Variants in ARL6IP5 observed in about 807,000 individuals in gnomAD.
The protein encoded by ARL6IP5 is PRA1 family protein 3.
ARL6IP5 carries 6 observed loss-of-function variants against 13.0 expected under a neutral mutation model. That is an observed-to-expected ratio of 0.46 (90% CI 0.25 to 0.91). The LOEUF (loss-of-function observed/expected upper bound fraction) is 0.91, where lower values mean the gene tolerates loss of function less well. Ranked by LOEUF, ARL6IP5 falls within the 40% of genes least tolerant of loss-of-function variation. ARL6IP5 has a pLI of 0.17. For synonymous variants in ARL6IP5, 91 were observed against 91.9 expected (o/e 0.99, Z 0.06); for missense variants, 208 against 248.8 (o/e 0.84, Z 1.10).
At chr3:69,090,238 G>A (rs1485283661) in intron 1 of ARL6IP5, among the ~76,000 whole-genome samples, 8 of 152,184 alleles carry the variant, frequency 5.3e-5, no homozygotes, top group Admixed American at 5.2e-4. Flanking sequence ...GTTGCAGTCT[G>A]TTTATACTAA....
chr3:69,092,187 A>G (rs1008631580), intron 1 of ARL6IP5, among the ~76,000 whole-genome samples: 5 of 152,198 alleles, frequency 3.3e-5, no homozygotes, highest in Middle Eastern at 3.2e-3. Context: ...TCATTGATAT[A>G]TGATAGGATT....
At chr3:69,092,909 G>C (rs946484681) in intron 1 of ARL6IP5, among the ~76,000 whole-genome samples, 8 of 151,558 alleles carry the variant, frequency 5.3e-5, no homozygotes, top group Non-Finnish European at 8.8e-5. Flanking sequence ...AAAAAGTATT[G>C]GTTGTTAAGA....
chr3:69,090,483 T>C (rs1020011619), intron 1 of ARL6IP5, among the ~76,000 whole-genome samples: 3 of 152,188 alleles, frequency 2.0e-5, no homozygotes, highest in Admixed American at 2.0e-4. Flanking sequence ...ATAGCAAGTG[T>C]ACAGAAATAC....
intron 1 of ARL6IP5, among the ~76,000 whole-genome samples, chr3:69,099,135 GGGT>G (rs796922095): frequency 0.021 from 2,024 of 98,440 alleles, 98 homozygotes; most frequent in African/African-American, 0.06. Context: ...GGGGCGGGGG[GGGT>G]GGGGGGTGGA....
In ARL6IP5 at chr3:69,105,083, G is replaced by T; in HGVS notation, c.*447G>T. 1 of 526,994 alleles carries T rather than the reference G, an allele frequency of 1.9e-6. No homozygotes were observed. The highest frequency in any genetic ancestry group is 3.3e-6 in the Non-Finnish European group (1 of 299,916). 32.6% of individuals were successfully genotyped at this position (526,994 alleles called of 1,614,324 possible). Reference sequence around the variant, plus strand: ...TAATCCCCTAGAATTGTAATGTGTGGGATATAAATTAGTTTTTATTATTCT... The same window carrying T: ...TAATCCCCTAGAATTGTAATGTGTGTGATATAAATTAGTTTTTATTATTCT... On this transcript the variant is annotated 3_prime_UTR_variant, in exon 3 of 3. Transcript: ENST00000273258.
chr3:69,097,010 T>G (rs190317275), intron 1 of ARL6IP5, among the ~76,000 whole-genome samples: 1 of 152,176 alleles, frequency 6.6e-6, no homozygotes, highest in Non-Finnish European at 1.5e-5. Context: ...CCAATTTCAT[T>G]TGTTCATTTT....
In ARL6IP5 at chr3:69,104,618, C is replaced by T; in HGVS notation, c.549C>T (p.Ile183=). The T allele has an allele frequency of 6.2e-7, 1 of 1,613,200 alleles. No individual in the cohort carries two copies. The highest frequency in any genetic ancestry group is 8.5e-7 in the Non-Finnish European group (1 of 1,179,746). The change falls in exon 3 of 3, where the codon ATC becomes ATT. Residue 183 remains isoleucine, a synonymous_variant. Transcript: ENST00000273258. ...GCATCAACAGACTCACTGACTATAT[C>T]AGCAAAGTGAAGGAATAAACATAAC... The part of the protein sequence containing the change: ...EEGINRLTDY[I]SKVKE
chr3:69,087,420 T>C (rs2092251909), intron 1 of ARL6IP5, among the ~76,000 whole-genome samples: 1 of 152,090 alleles, frequency 6.6e-6, no homozygotes, highest in African/African-American at 2.4e-5. Flanking sequence ...GATCTAGTTA[T>C]GGAGGTATTT....
chr3:69,102,329 T>TG (rs1169252154), intron 2 of ARL6IP5: 2 of 459,738 alleles, frequency 4.4e-6, no homozygotes, highest in African/African-American at 3.9e-5. Flanking sequence ...GTTGTTGAGA[T>TG]GGGGTCTACT....
chr3:69,096,630 A>G (rs113212271), intron 1 of ARL6IP5, among the ~76,000 whole-genome samples: 3,377 of 123,268 alleles, frequency 0.027, 69 homozygotes, highest in East Asian at 0.044. Context: ...TTGAGACGGA[A>G]TCTCGCTCTG....
intron 1 of ARL6IP5, chr3:69,089,748 C>T: frequency 2.2e-6 from 1 of 454,834 alleles, no homozygotes; most frequent in South Asian, 1.6e-5. Context: ...AATGCCTCTG[C>T]TGCTTCTCCA....
At chr3:69,102,102 A>C in intron 2 of ARL6IP5, 46 bp downstream of exon 2, 1 of 1,577,122 alleles carries the variant, frequency 6.3e-7, no homozygotes, top group Non-Finnish European at 8.7e-7. Flanking sequence ...AAAATGTAGA[A>C]GCAATTATCC....
At chr3:69,097,104 C>G (rs996876677) in intron 1 of ARL6IP5, among the ~76,000 whole-genome samples, 3 of 151,914 alleles carry the variant, frequency 2.0e-5, no homozygotes, top group African/African-American at 4.8e-5. Context: ...TGGAAATAAA[C>G]TCCCCTTATC....
Position 69,084,985 on chromosome 3 carries a change from G to C in ARL6IP5, c.-63G>C. Reference sequence around the variant, plus strand: ...GCTGTCAACTCTCCAACTCAGCTCAGCTGATCGGTTGCCGCCGCCGCCGCC... The same window carrying C: ...GCTGTCAACTCTCCAACTCAGCTCACCTGATCGGTTGCCGCCGCCGCCGCC... On this transcript the variant is annotated 5_prime_UTR_variant, in exon 1 of 3. Coordinates refer to ENST00000273258, the MANE Select transcript of ARL6IP5 (RefSeq NM_006407.4). 1.3e-6 allele frequency: 2 copies of C among 1,579,088 alleles called. No individual in the cohort carries two copies. Among genetic ancestry groups the C allele is most frequent in the Non-Finnish European group, 1.7e-6 (2 of 1,163,194 alleles).
At chr3:69,099,130 G>C (rs993199408) in intron 1 of ARL6IP5, among the ~76,000 whole-genome samples, 53 of 96,320 alleles carry the variant, frequency 5.5e-4, no homozygotes, top group Non-Finnish European at 8.2e-4. Flanking sequence ...GCTGAGGGGC[G>C]GGGGGGGTGG....
intron 1 of ARL6IP5, among the ~76,000 whole-genome samples, chr3:69,095,563 C>G (rs1000113822): frequency 1.3e-5 from 2 of 150,826 alleles, no homozygotes; most frequent in African/African-American, 4.9e-5. Flanking sequence ...GGCACAATCT[C>G]AGCTCACTTC....
chr3:69,087,866 T>A (rs1477016189), intron 1 of ARL6IP5, among the ~76,000 whole-genome samples: 1 of 152,228 alleles, frequency 6.6e-6, no homozygotes. Context: ...TCAGTAAAAG[T>A]TTGGTATATA....
At chr3:69,085,269 G>A (rs774190139) in intron 1 of ARL6IP5, 46 bp downstream of exon 1, 1 of 1,579,250 alleles carries the variant, frequency 6.3e-7, no homozygotes, top group African/African-American at 1.3e-5. Context: ...GGGCGAGCAC[G>A]GAGGGGCCTC....
chr3:69,094,679 G>A (rs2092281293), intron 1 of ARL6IP5, among the ~76,000 whole-genome samples: 1 of 152,142 alleles, frequency 6.6e-6, no homozygotes, highest in African/African-American at 2.4e-5. Flanking sequence ...TGCCTCTTTG[G>A]TGGTTCTTTT....
Sources: gnomAD v4.1 joint callset for allele counts (sites outside exome capture counted in the v4.1 genomes callset) on GRCh38, gnomAD v4.1.1 for gene constraint, MANE v1.5 for transcripts, NCBI Gene and HGNC (gene_info 2026-07-23, HGNC 2026-07-21) for gene names.